Variants in NOL4 observed in about 807,000 individuals in gnomAD.
NOL4 encodes cancer/testis antigen 125.
NOL4 carries 17 observed loss-of-function variants against 75.9 expected under a neutral mutation model. The ratio of observed to expected loss-of-function variants is 0.22; its 90% CI spans 0.15 to 0.34. The LOEUF (loss-of-function observed/expected upper bound fraction) is 0.34, where lower values mean the gene tolerates loss of function less well. Among genes scored for constraint, NOL4 ranks in the 10% least tolerant of loss-of-function variants. The pLI is 1.00. For missense variants in NOL4, 614 were observed against 793.5 expected (o/e 0.77, Z 2.72); for synonymous variants, 292 against 289.9 (o/e 1.01, Z -0.07).
intron 1 of NOL4, among the ~76,000 whole-genome samples, chr18:34,215,228 T>C (rs1358869145): frequency 6.6e-6 from 1 of 152,168 alleles, no homozygotes; most frequent in African/African-American, 2.4e-5. Flanking sequence ...GATATAGATG[T>C]AGATAAAACT....
intron 2 of NOL4, among the ~76,000 whole-genome samples, chr18:34,123,052 T>TA (rs1303796128): frequency 2.0e-5 from 3 of 151,648 alleles, no homozygotes; most frequent in Non-Finnish European, 4.4e-5. Context: ...TAATTTAATA[T>TA]AAAAATTATT....
chr18:33,969,045 G>A (rs2070833819), intron 6 of NOL4, among the ~76,000 whole-genome samples: 1 of 151,922 alleles, frequency 6.6e-6, no homozygotes, highest in African/African-American at 2.4e-5. Context: ...TTTAGTTTGG[G>A]GAAACCTTTA....
chr18:33,978,430 T>C (rs2145950523), intron 6 of NOL4, among the ~76,000 whole-genome samples: 1 of 152,220 alleles, frequency 6.6e-6, no homozygotes, highest in South Asian at 2.1e-4. Flanking sequence ...ACTTTTTCTC[T>C]TCCATAAGAA....
intron 9 of NOL4, among the ~76,000 whole-genome samples, chr18:33,906,444 T>A (rs1240646298): frequency 6.6e-6 from 1 of 152,156 alleles, no homozygotes; most frequent in African/African-American, 2.4e-5. Context: ...TTGTTCCAAA[T>A]CCTTGTCTCT....
intron 6 of NOL4, among the ~76,000 whole-genome samples, chr18:34,004,781 T>C (rs1395646900): frequency 1.3e-5 from 2 of 152,058 alleles, no homozygotes; most frequent in African/African-American, 4.8e-5. Context: ...CAGGAAAATC[T>C]TCCCAGACCA....
chr18:34,061,741 A>T (rs1242900517), intron 5 of NOL4, among the ~76,000 whole-genome samples: 2 of 152,162 alleles, frequency 1.3e-5, no homozygotes, highest in African/African-American at 4.8e-5. Flanking sequence ...TCAGTTTATT[A>T]TAATATTTAC....
At chr18:33,918,189 C>T (rs1266751648) in intron 9 of NOL4, among the ~76,000 whole-genome samples, 1 of 152,120 alleles carries the variant, frequency 6.6e-6, no homozygotes, top group African/African-American at 2.4e-5. Context: ...TAGATTCATG[C>T]CAAGAGGGGG....
chr18:34,135,263 A>G (rs955624367), intron 1 of NOL4, among the ~76,000 whole-genome samples: 8 of 152,138 alleles, frequency 5.3e-5, no homozygotes, highest in African/African-American at 1.9e-4. Flanking sequence ...AGAATCACAA[A>G]AACCCATAAA....
intron 10 of NOL4, among the ~76,000 whole-genome samples, chr18:33,859,824 A>T (rs972814294): frequency 1.3e-5 from 2 of 152,140 alleles, no homozygotes; most frequent in Non-Finnish European, 2.9e-5. Context: ...GAGGCTAAGC[A>T]GGAGAATGGC....
intron 9 of NOL4, among the ~76,000 whole-genome samples, chr18:33,936,185 C>T (rs146123145): frequency 5.7e-4 from 87 of 152,216 alleles, no homozygotes; most frequent in African/African-American, 1.8e-3. Flanking sequence ...ATTGCCCCCA[C>T]GCTTACGTGG....
chr18:33,895,055 C>T (rs1361630329), intron 9 of NOL4, among the ~76,000 whole-genome samples: 1 of 152,008 alleles, frequency 6.6e-6, no homozygotes, highest in Admixed American at 6.6e-5. Context: ...ACACTGTGTA[C>T]ATATATCAAA....
At chr18:34,059,940 C>T (rs148938259) in intron 5 of NOL4, among the ~76,000 whole-genome samples, 2 of 152,068 alleles carry the variant, frequency 1.3e-5, no homozygotes, top group Admixed American at 6.6e-5. Flanking sequence ...AGCCTTCCCC[C>T]ACCAGAGCAT....
intron 10 of NOL4, among the ~76,000 whole-genome samples, chr18:33,871,578 C>T (rs1048761776): frequency 2.0e-5 from 3 of 151,972 alleles, no homozygotes; most frequent in African/African-American, 7.2e-5. Context: ...CCCAAGCCAA[C>T]CGTAATGAGC....
At chr18:34,074,317 T>C (rs1042287750) in intron 5 of NOL4, among the ~76,000 whole-genome samples, 3 of 151,690 alleles carry the variant, frequency 2.0e-5, no homozygotes, top group Admixed American at 2.0e-4. Flanking sequence ...TATAGAATTT[T>C]TGAAAAATAC....
chr18:34,012,159 A>T (rs940383402), intron 6 of NOL4, among the ~76,000 whole-genome samples: 1 of 151,962 alleles, frequency 6.6e-6, no homozygotes, highest in Non-Finnish European at 1.5e-5. Context: ...TAGCATAATG[A>T]TTCAAAAGGA....
chr18:34,099,466 C>A lies in NOL4; in HGVS notation c.639+4581G>T, dbSNP rs76255249. 4.0e-3 allele frequency among the ~76,000 whole-genome samples: 609 copies of A among 151,588 alleles called. 2 individuals carry two copies. The highest frequency in any genetic ancestry group is 6.5e-3 in the Non-Finnish European group (443 of 67,922). ...CTTTCATGAACTCTTCCCTAATGATCTGGTCTTCTGCCTTTCTTCAACCAT... is the reference window on the plus strand; with the variant it reads ...CTTTCATGAACTCTTCCCTAATGATATGGTCTTCTGCCTTTCTTCAACCAT... On this transcript the variant is annotated intron_variant, in intron 4 of 10. Coordinates refer to ENST00000261592, the MANE Select transcript of NOL4 (RefSeq NM_003787.5).
chr18:33,944,962 C>T (rs932311173), intron 8 of NOL4, among the ~76,000 whole-genome samples: 3 of 151,802 alleles, frequency 2.0e-5, no homozygotes, highest in African/African-American at 4.8e-5. Flanking sequence ...GAATTAGATA[C>T]TCATTGATAT....
chr18:34,190,416 A>G (rs2034828334), intron 1 of NOL4, among the ~76,000 whole-genome samples: 1 of 152,044 alleles, frequency 6.6e-6, no homozygotes, highest in African/African-American at 2.4e-5. Context: ...ATACTATTAT[A>G]TAAATAACTG....
intron 1 of NOL4, among the ~76,000 whole-genome samples, chr18:34,134,493 C>T (rs910092581): frequency 7.7e-6 from 1 of 130,108 alleles, no homozygotes; most frequent in Non-Finnish European, 1.7e-5. Flanking sequence ...CACACACACA[C>T]ACATTGATGA....
Sources: gnomAD v4.1 joint callset for allele counts (sites outside exome capture counted in the v4.1 genomes callset) on GRCh38, gnomAD v4.1.1 for gene constraint, MANE v1.5 for transcripts, NCBI Gene and HGNC (gene_info 2026-07-23, HGNC 2026-07-21) for gene names.